The following TENM1 variants were observed in gnomAD, a reference collection of about 807,000 sequenced individuals.
The protein encoded by TENM1 is teneurin transmembrane protein 1, also known as teneurin-1.
A neutral mutation model predicts 174.8 loss-of-function variants in TENM1; 35 were observed. The observed-to-expected ratio is 0.20, with a 90% CI of 0.15 to 0.27. The LOEUF (loss-of-function observed/expected upper bound fraction) is 0.27. Among genes scored for constraint, TENM1 ranks in the 10% least tolerant of loss-of-function variants. TENM1 has a pLI of 1.00. For synonymous variants in TENM1, 781 were observed against 798.7 expected (o/e 0.98, Z 0.37); for missense variants, 1,633 against 2,130.1 (o/e 0.77, Z 4.59).
intron 3 of TENM1, among the ~76,000 whole-genome samples, chrX:124,752,005 C>T (rs2054086165): frequency 9.1e-6 from 1 of 110,188 alleles, no homozygotes; most frequent in East Asian, 2.9e-4. Context: ...GGGTATATAC[C>T]CAGTAATGGG....
chrX:124,760,778 AT>A (rs1305173447), intron 3 of TENM1, among the ~76,000 whole-genome samples: 1 of 111,012 alleles, frequency 9.0e-6, no homozygotes, highest in Non-Finnish European at 1.9e-5. Context: ...ATAGGAGAAA[AT>A]TTTTGCAATC....
At chrX:124,785,602 T>C (rs2055017746) in intron 3 of TENM1, among the ~76,000 whole-genome samples, 1 of 112,446 alleles carries the variant, frequency 8.9e-6, no homozygotes, top group Admixed American at 9.4e-5. Context: ...AGTTATATTT[T>C]ATATTGTAAA....
intron 3 of TENM1, among the ~76,000 whole-genome samples, chrX:124,879,102 G>A (rs1177796252): frequency 1.8e-5 from 2 of 112,072 alleles, no homozygotes; most frequent in East Asian, 5.6e-4. Flanking sequence ...ATCATGTTGA[G>A]TATTTATCAT....
intron 4 of TENM1, among the ~76,000 whole-genome samples, chrX:124,723,663 T>C (rs773472124): frequency 1.5e-4 from 15 of 100,463 alleles, no homozygotes; most frequent in Non-Finnish European, 2.6e-4. Context: ...TGCAGCAGCA[T>C]GATCTCAGCT....
At chrX:124,822,639 A>G (rs1349960308) in intron 3 of TENM1, among the ~76,000 whole-genome samples, 1 of 111,882 alleles carries the variant, frequency 8.9e-6, no homozygotes, top group Admixed American at 9.5e-5. Flanking sequence ...TATTTCTTCT[A>G]GCAGAGCAAG....
At chrX:124,528,419 T>C (rs1475251327) in intron 16 of TENM1, among the ~76,000 whole-genome samples, 1 of 111,432 alleles carries the variant, frequency 9.0e-6, no homozygotes, top group Non-Finnish European at 1.9e-5. Flanking sequence ...AATGAGGTCT[T>C]ACCAGGCCTC....
chrX:124,389,048 G>A (rs747899967), intron 28 of TENM1, among the ~76,000 whole-genome samples: 3 of 112,228 alleles, frequency 2.7e-5, no homozygotes, highest in African/African-American at 9.7e-5. Flanking sequence ...AATCAAGACA[G>A]AGAATTAATG....
the TENM1 span, among the ~76,000 whole-genome samples, chrX:125,100,525 T>C: frequency 8.9e-6 from 1 of 112,238 alleles, no homozygotes; most frequent in Non-Finnish European, 1.9e-5. Context: ...CACAATACCA[T>C]TGGGTGCCTT....
chrX:124,821,610 C>T (rs1370620895), intron 3 of TENM1, among the ~76,000 whole-genome samples: 1 of 112,056 alleles, frequency 8.9e-6, no homozygotes, highest in Non-Finnish European at 1.9e-5. Flanking sequence ...AACCGTTCAA[C>T]CAATCTTCCC....
the TENM1 span, among the ~76,000 whole-genome samples, chrX:125,075,700 A>G: frequency 9.0e-6 from 1 of 111,405 alleles, no homozygotes; most frequent in African/African-American, 3.3e-5. Context: ...TTACATCCCT[A>G]GTTTTTCAGG....
chrX:125,158,322 G>C, the TENM1 span, among the ~76,000 whole-genome samples: 1 of 97,297 alleles, frequency 1.0e-5, no homozygotes, highest in African/African-American at 3.9e-5. Flanking sequence ...AGAATCCCTT[G>C]AACCTGGGAG....
chrX:124,587,468 G>A (rs1311735850), intron 11 of TENM1, among the ~76,000 whole-genome samples: 3 of 110,043 alleles, frequency 2.7e-5, no homozygotes, highest in Admixed American at 9.6e-5. Context: ...AATGGTGCTG[G>A]GAAAACTGGC....
chrX:124,821,843 G>A (rs1603229735), intron 3 of TENM1, among the ~76,000 whole-genome samples: 1 of 112,230 alleles, frequency 8.9e-6, no homozygotes, highest in East Asian at 2.8e-4. Flanking sequence ...ATAGTGACAA[G>A]AATATCTTGG....
chrX:124,415,508 C>T (rs895840280), intron 25 of TENM1, among the ~76,000 whole-genome samples: 2 of 111,649 alleles, frequency 1.8e-5, no homozygotes, highest in South Asian at 3.8e-4. Flanking sequence ...TGGTCACTCT[C>T]GTAAGCCCAC....
chrX:124,541,343 A>G (rs1179545693), intron 15 of TENM1, among the ~76,000 whole-genome samples: 1 of 112,371 alleles, frequency 8.9e-6, no homozygotes, highest in Non-Finnish European at 1.9e-5. Context: ...TTTCTCGTGA[A>G]TGGTTTAGCA....
intron 1 of TENM1, among the ~76,000 whole-genome samples, chrX:124,910,917 AT>A (rs751665035): frequency 0.014 from 1,459 of 101,743 alleles, 23 homozygotes; most frequent in African/African-American, 0.044. Flanking sequence ...ATATATTATA[AT>A]TTTTTTTTTT....
intron 20 of TENM1, among the ~76,000 whole-genome samples, chrX:124,495,332 T>C (rs1454354360): frequency 1.8e-5 from 2 of 110,066 alleles, no homozygotes; most frequent in Admixed American, 9.7e-5. Flanking sequence ...TGTCTGTTCA[T>C]GTCCTTCACC....
the TENM1 span, among the ~76,000 whole-genome samples, chrX:124,988,351 T>G: frequency 8.9e-6 from 1 of 111,949 alleles, no homozygotes; most frequent in South Asian, 3.7e-4. Flanking sequence ...CTTCTAAAAT[T>G]GACAGAACTG....
chrX:124,601,140 G>T (rs1218746542), intron 11 of TENM1, among the ~76,000 whole-genome samples: 1 of 112,065 alleles, frequency 8.9e-6, no homozygotes, highest in Non-Finnish European at 1.9e-5. Context: ...AGTAAAGGGT[G>T]AATGGAAGGT....
Sources: allele counts gnomAD v4.1 joint callset (sites outside exome capture counted in the v4.1 genomes callset), GRCh38; gene constraint gnomAD v4.1.1; transcripts MANE v1.5; gene names NCBI Gene and HGNC (gene_info 2026-07-23, HGNC 2026-07-21).